The following ZNF804A variants were observed in gnomAD, a reference collection of about 807,000 sequenced individuals.
The protein encoded by ZNF804A is zinc finger protein 804A.
A neutral mutation model predicts 16.5 loss-of-function variants in ZNF804A; 2 were observed. The ratio of observed to expected loss-of-function variants is 0.12; its 90% CI spans 0.05 to 0.38. ZNF804A has a LOEUF of 0.38. Among genes scored for constraint, ZNF804A ranks in the 10% least tolerant of loss-of-function variants. ZNF804A has a pLI of 0.99. For missense variants in ZNF804A, 1,473 were observed against 1,390.7 expected, an observed-to-expected ratio of 1.06 and a Z score of -0.94; for synonymous variants, 534 against 489.6, an observed-to-expected ratio of 1.09 and a Z score of -1.20.
intron 2 of ZNF804A, among the ~76,000 whole-genome samples, chr2:184,882,868 T>G (rs1418003235): frequency 6.6e-6 from 1 of 151,756 alleles, no homozygotes; most frequent in Non-Finnish European, 1.5e-5. Flanking sequence ...ATGTCACAAC[T>G]AAAGGAACTA....
chr2:184,602,441 A>G (rs534395394), intron 1 of ZNF804A, among the ~76,000 whole-genome samples: 3 of 152,040 alleles, frequency 2.0e-5, no homozygotes, highest in African/African-American at 7.2e-5. Context: ...TTTATCTTCC[A>G]TCTAATCTCA....
intron 1 of ZNF804A, 143 bp downstream of exon 1, chr2:184,599,213 T>G: frequency 1.5e-6 from 1 of 677,746 alleles, no homozygotes; most frequent in Non-Finnish European, 2.5e-6. Context: ...GAATTGGGTG[T>G]AGAAAAAGGA....
chr2:184,730,154 TA>T, intron 1 of ZNF804A, among the ~76,000 whole-genome samples: 1 of 152,178 alleles, frequency 6.6e-6, no homozygotes, highest in Non-Finnish European at 1.5e-5. Context: ...AATAAGCTTA[TA>T]ATATCCTCTA....
intron 2 of ZNF804A, among the ~76,000 whole-genome samples, chr2:184,882,197 G>A (rs1300424892): frequency 6.6e-6 from 1 of 151,854 alleles, no homozygotes; most frequent in Non-Finnish European, 1.5e-5. Flanking sequence ...AGACAAAGAA[G>A]GATATTATAT....
chr2:184,881,827 A>G (rs868808980), intron 2 of ZNF804A, among the ~76,000 whole-genome samples: 1 of 152,062 alleles, frequency 6.6e-6, no homozygotes, highest in Non-Finnish European at 1.5e-5. Context: ...ATTATTAGCC[A>G]CTACAAAAAC....
intron 2 of ZNF804A, among the ~76,000 whole-genome samples, chr2:184,898,397 A>G (rs568514475): frequency 1.5e-5 from 2 of 129,388 alleles, no homozygotes; most frequent in Non-Finnish European, 3.1e-5. Context: ...AGTCTGTGGT[A>G]AAAATTACAT....
intron 1 of ZNF804A, among the ~76,000 whole-genome samples, chr2:184,661,109 GA>G (rs1692169702): frequency 6.6e-6 from 1 of 152,170 alleles, no homozygotes; most frequent in Non-Finnish European, 1.5e-5. Flanking sequence ...CTTTATATAT[GA>G]AATTGGCATT....
At position 184,654,419 on chromosome 2, in the gene ZNF804A, C is replaced by A. The variant is rs138175591; in HGVS notation, c.111+55349C>A. On this transcript the variant is annotated intron_variant, in intron 1 of 3. Transcript: ENST00000302277. ...GGAAGGTGGCTGTCATTGAATACAT[C>A]CTGACCATATTGCTGATTGCTGCAG... 9.6e-3 allele frequency among the ~76,000 whole-genome samples: 1,463 copies of A among 152,250 alleles called. 26 individuals are homozygous for A. The highest frequency in any genetic ancestry group is 0.034 in the African/African-American group (1,394 of 41,554).
intron 1 of ZNF804A, among the ~76,000 whole-genome samples, chr2:184,817,692 C>A (rs1217889102): frequency 1.3e-5 from 2 of 151,882 alleles, no homozygotes; most frequent in Non-Finnish European, 1.5e-5. Context: ...ACGAGAAGAG[C>A]CAGTTTAGAG....
chr2:184,924,459 T>G lies in ZNF804A; in HGVS notation c.256-9144T>G, dbSNP rs112798183. Among the ~76,000 whole-genome samples the G allele has an allele frequency of 1.1e-3, 173 of 151,938 alleles. 1 individual carries two copies. The highest frequency in any genetic ancestry group is 1.8e-3 in the Non-Finnish European group (123 of 67,836). ...ATTTGGATCTTCTCTCTTTTTTTTCTTAGTCTGGCCAAAATTGTCAATTTT... is the reference window on the plus strand; with the variant it reads ...ATTTGGATCTTCTCTCTTTTTTTTCGTAGTCTGGCCAAAATTGTCAATTTT... On this transcript the variant is annotated intron_variant, in intron 2 of 3. Coordinates refer to ENST00000302277, the MANE Select transcript of ZNF804A (RefSeq NM_194250.2).
intron 1 of ZNF804A, among the ~76,000 whole-genome samples, chr2:184,773,838 C>A (rs1416258589): frequency 6.6e-6 from 1 of 151,850 alleles, no homozygotes; most frequent in Non-Finnish European, 1.5e-5. Flanking sequence ...ATTAATAGGT[C>A]TAGCAAGCTA....
chr2:184,704,731 C>A (rs892374704), intron 1 of ZNF804A, among the ~76,000 whole-genome samples: 2 of 152,052 alleles, frequency 1.3e-5, no homozygotes, highest in East Asian at 3.9e-4. Context: ...TGAGGGTAAG[C>A]TTATATGCTT....
intron 1 of ZNF804A, among the ~76,000 whole-genome samples, chr2:184,615,213 A>T (rs991894058): frequency 3.9e-5 from 6 of 152,204 alleles, no homozygotes; most frequent in African/African-American, 1.4e-4. Context: ...GCCATAAAAA[A>T]GGATTAGTTC....
At chr2:184,820,718 G>A (rs1465928585) in intron 1 of ZNF804A, among the ~76,000 whole-genome samples, 1 of 152,060 alleles carries the variant, frequency 6.6e-6, no homozygotes, top group Non-Finnish European at 1.5e-5. Context: ...CTTCAGCAAA[G>A]TTTCAGGATA....
At chr2:184,740,350 AG>A (rs1418663691) in intron 1 of ZNF804A, among the ~76,000 whole-genome samples, 1 of 152,186 alleles carries the variant, frequency 6.6e-6, no homozygotes, top group East Asian at 1.9e-4. Context: ...AAGTTTTCTA[AG>A]GGTGTTAAAT....
chr2:184,616,170 A>G (rs1278553308), intron 1 of ZNF804A, among the ~76,000 whole-genome samples: 1 of 152,168 alleles, frequency 6.6e-6, no homozygotes, highest in East Asian at 1.9e-4. Context: ...TGGGTTTTCC[A>G]GAGTTTTCAC....
chr2:184,788,016 G>T (rs1003419948), intron 1 of ZNF804A, among the ~76,000 whole-genome samples: 1 of 151,552 alleles, frequency 6.6e-6, no homozygotes. Context: ...ATTAATTTTT[G>T]TACATAATGA....
At chr2:184,905,816 G>T (rs779286306) in intron 2 of ZNF804A, among the ~76,000 whole-genome samples, 4 of 152,118 alleles carry the variant, frequency 2.6e-5, no homozygotes, top group Non-Finnish European at 5.9e-5. Context: ...TTCTGGAAGA[G>T]AACCACTGTT....
intron 2 of ZNF804A, among the ~76,000 whole-genome samples, chr2:184,905,134 T>G (rs1360778966): frequency 2.0e-5 from 3 of 151,962 alleles, no homozygotes; most frequent in Non-Finnish European, 4.4e-5. Context: ...TAAGTCAGTG[T>G]TTTTTACAGA....
Sources: gnomAD v4.1 joint callset for allele counts (sites outside exome capture counted in the v4.1 genomes callset) on GRCh38, gnomAD v4.1.1 for gene constraint, MANE v1.5 for transcripts, NCBI Gene and HGNC (gene_info 2026-07-23, HGNC 2026-07-21) for gene names.